The following AQR variants were observed in gnomAD, a reference collection of about 807,000 sequenced individuals.
AQR encodes aquarius intron-binding spliceosomal factor.
AQR carries 61 observed loss-of-function variants against 180.5 expected under a neutral mutation model. The observed-to-expected ratio is 0.34, with a 90% CI of 0.28 to 0.42. The LOEUF (loss-of-function observed/expected upper bound fraction) is 0.42, where lower values mean the gene tolerates loss of function less well. Ranked by LOEUF, AQR falls within the 10% of genes least tolerant of loss-of-function variation. The probability of loss-of-function intolerance (pLI) is 1.00; values close to 1 mark genes in which losing one functional copy is unlikely to be tolerated. For synonymous variants in AQR, 551 were observed against 588.8 expected, an observed-to-expected ratio of 0.94 and a Z score of 0.93; for missense variants, 1,281 against 1,798.3, an observed-to-expected ratio of 0.71 and a Z score of 5.20.
Position 34,886,433 on chromosome 15 carries a change from A to C in AQR, c.2817+93T>G. ...TACATTCTAATCTACTCAAAAAAAT[A>C]AGCTTTCATGAAGGATCACAAGAAC... On this transcript the variant is annotated intron_variant, in intron 25 of 34. Coordinates refer to ENST00000156471, the MANE Select transcript of AQR (RefSeq NM_014691.3). 6 of 1,336,394 alleles carry C rather than the reference A, an allele frequency of 4.5e-6. No homozygotes were observed. In the Admixed American group the frequency reaches 1.0e-4, roughly 23 times the overall value. The allele number at this position is 1,336,394 out of a possible 1,614,324, so 82.8% of individuals were successfully genotyped here.
intron 8 of AQR, 144 bp from the exon 9 acceptor site, chr15:34,938,957 T>G: frequency 3.4e-6 from 2 of 594,936 alleles, no homozygotes; most frequent in Non-Finnish European, 5.9e-6. Flanking sequence ...ATATACAGCT[T>G]CTTCTTTCTA....
At chr15:34,968,277 G>C (rs533467222) in intron 1 of AQR, among the ~76,000 whole-genome samples, 2 of 147,016 alleles carry the variant, frequency 1.4e-5, no homozygotes, top group East Asian at 4.2e-4. Flanking sequence ...TTTTGAGACG[G>C]AGTCTCGCAC....
intron 26 of AQR, 30 bp downstream of exon 26, chr15:34,884,495 G>C: frequency 6.8e-7 from 1 of 1,462,424 alleles, no homozygotes; most frequent in Non-Finnish European, 9.3e-7. Flanking sequence ...AACCACTAAA[G>C]GGAAGTTCAA....
Position 34,954,216 on chromosome 15 carries a change from G to A in AQR, c.174-1296C>T, listed in dbSNP as rs533081123. On this transcript the variant is annotated intron_variant, in intron 3 of 34. Coordinates refer to ENST00000156471, the MANE Select transcript of AQR (RefSeq NM_014691.3). ...ACAGGCGTGAGCTACCACACCTGAC[G>A]TCTTTTAAACATTCTGCAATTCAGT... Among the ~76,000 whole-genome samples the A allele has an allele frequency of 2.0e-5, 3 of 151,990 alleles. No individual in the cohort carries two copies. In the South Asian group the frequency reaches 6.2e-4, roughly 32 times the overall value.
At chr15:34,963,477 T>C (rs1169420541) in intron 2 of AQR, among the ~76,000 whole-genome samples, 1 of 152,112 alleles carries the variant, frequency 6.6e-6, no homozygotes, top group Non-Finnish European at 1.5e-5. Flanking sequence ...CTTTACCTCA[T>C]TCACCACTCT....
Position 34,946,543 on chromosome 15 carries a change from C to T in AQR, c.330+1721G>A, listed in dbSNP as rs1894121857. 3.4e-5 allele frequency among the ~76,000 whole-genome samples: 5 copies of T among 147,110 alleles called. 1 individual carries two copies. In the South Asian group the frequency reaches 6.5e-4, roughly 19 times the overall value. On this transcript the variant is annotated intron_variant, in intron 5 of 34. Coordinates refer to ENST00000156471, the MANE Select transcript of AQR (RefSeq NM_014691.3). Reference sequence around the variant, plus strand: ...CGGGAGGGAGGTGAGGGGGTCAGCCCCCCGCCTGGCCAGCCGCCCCGTCCG... The same window carrying T: ...CGGGAGGGAGGTGAGGGGGTCAGCCTCCCGCCTGGCCAGCCGCCCCGTCCG...
intron 4 of AQR, among the ~76,000 whole-genome samples, chr15:34,949,787 T>A (rs1595808539): frequency 1.4e-5 from 2 of 138,068 alleles, no homozygotes; most frequent in African/African-American, 5.4e-5. Context: ...TGAGACCTTA[T>A]CTCTATTAAA....
intron 2 of AQR, among the ~76,000 whole-genome samples, chr15:34,961,383 G>C (rs142383258): frequency 0.05 from 7,578 of 152,030 alleles, 274 homozygotes; most frequent in African/African-American, 0.1. Context: ...AGGCCGAAGA[G>C]GGTGGATCAT....
intron 27 of AQR, 102 bp from the exon 28 acceptor site, chr15:34,876,108 C>A: frequency 1.2e-6 from 1 of 831,384 alleles, no homozygotes; most frequent in Non-Finnish European, 2.0e-6. Context: ...CTGATAAAAA[C>A]GACATACAAA....
intron 33 of AQR, 23 bp downstream of exon 33, chr15:34,862,844 T>C (rs533777363): frequency 5.2e-5 from 84 of 1,610,884 alleles, no homozygotes; most frequent in Non-Finnish European, 7.0e-5. Flanking sequence ...TGCTGTTTTA[T>C]AAAATGAAGA....
At chr15:34,918,487 A>T in intron 14 of AQR, 109 bp from the exon 15 acceptor site, 4 of 1,324,858 alleles carry the variant, frequency 3.0e-6, no homozygotes, top group South Asian at 1.5e-5. Context: ...CAGTTCAACA[A>T]GCGATTTTTT....
At chr15:34,952,698 T>C (rs1011651011) in intron 4 of AQR, among the ~76,000 whole-genome samples, 187 bp downstream of exon 4, 2 of 152,250 alleles carry the variant, frequency 1.3e-5, no homozygotes, top group African/African-American at 4.8e-5. Flanking sequence ...CACAAGCTAT[T>C]CTGGCAATGG....
chr15:34,958,988 TATAGATATAG>T (rs752988652), intron 3 of AQR, among the ~76,000 whole-genome samples: 2 of 31,690 alleles, frequency 6.3e-5, no homozygotes, highest in Non-Finnish European at 3.3e-4. Context: ...TAGATATAGA[TATAGATATAG>T]ATATAGATAT....
At chr15:34,930,498 AT>A in intron 11 of AQR, 127 bp from the exon 12 acceptor site, 1 of 561,330 alleles carries the variant, frequency 1.8e-6, no homozygotes, top group South Asian at 2.9e-5. Context: ...GAATGTAAAC[AT>A]TACAAAAAAG....
chr15:34,860,154 T>A lies in AQR; in HGVS notation c.4031A>T (p.Asn1344Ile), dbSNP rs374409050. Residue 1344 changes from asparagine (N) to isoleucine (I), a missense_variant and splice_region_variant, in exon 34 of 35, where the codon AAT (asparagine) becomes ATT (isoleucine). By Grantham distance (149) the Asn-to-Ile change is moderately radical. Around this residue, in one of 9 missense-constraint regions of AQR, gnomAD observed 182 missense variants for 185.3 expected, o/e 0.98. Coordinates refer to ENST00000156471, the MANE Select transcript of AQR (RefSeq NM_014691.3). ...PTEPFPTTRKNGERPSHEVQI... is the reference protein window; with the variant it reads ...PTEPFPTTRKIGERPSHEVQI... ...TACTTCATGAGATGGTCTCTCTCCATTCTAGAAGAAGGAAAAAAGAACGTT... is the reference window on the plus strand; with the variant it reads ...TACTTCATGAGATGGTCTCTCTCCAATCTAGAAGAAGGAAAAAAGAACGTT... The A allele has an allele frequency of 2.8e-5, 41 of 1,465,402 alleles. No individual in the cohort carries two copies. The highest frequency in any genetic ancestry group is 1.5e-4 in the Admixed American group (7 of 47,108). The allele number at this position is 1,465,402 out of a possible 1,614,324, so 90.8% of individuals were successfully genotyped here.
chr15:34,870,855 T>A lies in AQR; in HGVS notation c.3665A>T (p.Asp1222Val). Residue 1222 changes from aspartate to valine, a missense_variant, in exon 31 of 35, where the codon GAC (aspartate) becomes GTC (valine). Around this residue, in one of 9 missense-constraint regions of AQR, gnomAD observed 197 missense variants for 320.7 expected, o/e 0.61. Coordinates refer to ENST00000156471, the MANE Select transcript of AQR (RefSeq NM_014691.3). ...ATATGTTGTTAGAATACTGATTTTGTCAGCAGGGTAACCAAGTAAACACAT... is the reference window on the plus strand; with the variant it reads ...ATATGTTGTTAGAATACTGATTTTGACAGCAGGGTAACCAAGTAAACACAT... ...MYMCLLGYPA[D>V]KISILTTYNG... 6.2e-7 allele frequency: 1 copy of A among 1,613,534 alleles called. No homozygotes were observed. Among genetic ancestry groups the A allele is most frequent in the Non-Finnish European group, 8.5e-7 (1 of 1,179,704 alleles).
At chr15:34,934,803 G>A (rs536573114) in intron 9 of AQR, among the ~76,000 whole-genome samples, 168 bp from the exon 10 acceptor site, 25 of 152,006 alleles carry the variant, frequency 1.6e-4, no homozygotes, top group African/African-American at 5.5e-4. Context: ...TTTTTTTAAG[G>A]AAGGCCTTAC....
chr15:34,867,052 T>A (rs1357010793), intron 32 of AQR, among the ~76,000 whole-genome samples: 1 of 152,124 alleles, frequency 6.6e-6, no homozygotes. Context: ...AAATACATCA[T>A]AATAAACGAT....
chr15:34,876,427 C>T (rs1448742844), intron 27 of AQR, among the ~76,000 whole-genome samples: 1 of 151,930 alleles, frequency 6.6e-6, no homozygotes, highest in Non-Finnish European at 1.5e-5. Flanking sequence ...TATATGAATC[C>T]TACCCATCAC....
Sources: gnomAD v4.1 joint callset for allele counts (sites outside exome capture counted in the v4.1 genomes callset) on GRCh38, gnomAD v4.1.1 for gene constraint, gnomAD v4.1.1 regional missense constraint, MANE v1.5 for transcripts, NCBI Gene and HGNC (gene_info 2026-07-23, HGNC 2026-07-21) for gene names.